FRMD4A: variants seen among roughly 807,000 people sequenced by gnomAD.
The protein encoded by FRMD4A is FERM domain-containing protein 4A.
In FRMD4A, 29 loss-of-function variants were observed where a neutral mutation model predicts 129.1. The observed-to-expected ratio is 0.22, with a 90% CI of 0.17 to 0.31. The LOEUF (loss-of-function observed/expected upper bound fraction) is 0.31. Among genes scored for constraint, FRMD4A ranks in the 10% least tolerant of loss-of-function variants. The pLI is 1.00. For synonymous variants in FRMD4A, 634 were observed against 571.6 expected (o/e 1.11, Z -1.56); for missense variants, 1,272 against 1,375.8 (o/e 0.92, Z 1.19).
intron 5 of FRMD4A, among the ~76,000 whole-genome samples, chr10:13,790,678 G>A (rs2092979432): frequency 7.1e-6 from 1 of 140,028 alleles, no homozygotes; most frequent in African/African-American, 2.6e-5. Context: ...GGAGCTAGGG[G>A]CGAGAGACCT....
chr10:14,072,001 G>C (rs1362136536), intron 2 of FRMD4A, among the ~76,000 whole-genome samples: 3 of 152,108 alleles, frequency 2.0e-5, no homozygotes, highest in Non-Finnish European at 4.4e-5. Flanking sequence ...CATTTAATAA[G>C]CCTTCAATAA....
At chr10:14,001,322 G>C (rs929751086) in intron 2 of FRMD4A, among the ~76,000 whole-genome samples, 2 of 152,178 alleles carry the variant, frequency 1.3e-5, no homozygotes, top group African/African-American at 2.4e-5. Flanking sequence ...CCCATGGCAT[G>C]ATGGTGAGGC....
At chr10:13,919,272 G>T (rs1482326985) in intron 2 of FRMD4A, among the ~76,000 whole-genome samples, 1 of 152,160 alleles carries the variant, frequency 6.6e-6, no homozygotes, top group Admixed American at 6.5e-5. Context: ...ACTGCAGTTG[G>T]GTATTGTTTG....
chr10:13,657,749 G>A (rs1309180792), intron 21 of FRMD4A, among the ~76,000 whole-genome samples: 1 of 151,640 alleles, frequency 6.6e-6, no homozygotes, highest in Non-Finnish European at 1.5e-5. Flanking sequence ...TGGGAAGTGG[G>A]ACTGAAGCTA....
chr10:13,733,341 C>T (rs1019858780), intron 12 of FRMD4A, among the ~76,000 whole-genome samples: 1 of 152,218 alleles, frequency 6.6e-6, no homozygotes, highest in African/African-American at 2.4e-5. Flanking sequence ...CACGGCCTTG[C>T]CTTTAAGTTC....
chr10:13,794,391 C>CAAAAAAAAAAAAA, intron 5 of FRMD4A, among the ~76,000 whole-genome samples: 1 of 102,962 alleles, frequency 9.7e-6, no homozygotes, highest in Non-Finnish European at 1.9e-5. Flanking sequence ...GAATCCGTCT[C>CAAAAAAAAAAAAA]AAAAAAAAAA....
chr10:13,699,313 G>A (rs2086580043), intron 14 of FRMD4A, among the ~76,000 whole-genome samples: 1 of 141,484 alleles, frequency 7.1e-6, no homozygotes, highest in South Asian at 2.3e-4. Flanking sequence ...CTGACCTCAA[G>A]TGATCTGCTC....
intron 15 of FRMD4A, among the ~76,000 whole-genome samples, chr10:13,681,677 T>C (rs906033856): frequency 1.3e-5 from 2 of 152,168 alleles, no homozygotes; most frequent in African/African-American, 4.8e-5. Flanking sequence ...TAGCTTCCTC[T>C]AAAGCCAAAG....
chr10:13,724,854 T>C (rs1214824043), intron 12 of FRMD4A, among the ~76,000 whole-genome samples: 1 of 152,152 alleles, frequency 6.6e-6, no homozygotes, highest in African/African-American at 2.4e-5. Flanking sequence ...GACCAGGCAT[T>C]GTGTGGGAAG....
intron 2 of FRMD4A, among the ~76,000 whole-genome samples, chr10:14,136,754 C>T (rs1839557916): frequency 6.6e-6 from 1 of 151,746 alleles, no homozygotes; most frequent in Non-Finnish European, 1.5e-5. Flanking sequence ...TGATTAATGT[C>T]TCTTGTCTTC....
intron 15 of FRMD4A, among the ~76,000 whole-genome samples, chr10:13,681,816 A>C (rs555870645): frequency 1.3e-5 from 2 of 152,316 alleles, no homozygotes; most frequent in African/African-American, 4.8e-5. Flanking sequence ...AATGGGAATG[A>C]AAACAGGACT....
chr10:14,212,425 T>C (rs138651427), intron 2 of FRMD4A, among the ~76,000 whole-genome samples: 168 of 152,308 alleles, frequency 1.1e-3, no homozygotes, highest in African/African-American at 4.0e-3. Flanking sequence ...ATGTTTGCTG[T>C]GAGCTCCTAG....
At chr10:14,244,641 A>C (rs1398008588) in intron 2 of FRMD4A, among the ~76,000 whole-genome samples, 1 of 152,198 alleles carries the variant, frequency 6.6e-6, no homozygotes, top group Non-Finnish European at 1.5e-5. Flanking sequence ...AACCAACCTA[A>C]ACACTGAACT....
intron 2 of FRMD4A, among the ~76,000 whole-genome samples, chr10:13,873,342 C>A (rs76893540): frequency 6.8e-6 from 1 of 147,726 alleles, no homozygotes; most frequent in African/African-American, 2.5e-5. Context: ...TGACTTTAAA[C>A]GTAAAATTTT....
At chr10:13,692,696 C>A (rs80157105) in intron 15 of FRMD4A, 1 of 152,170 alleles carries the variant, frequency 6.6e-6, no homozygotes, top group Non-Finnish European at 1.5e-5. Flanking sequence ...CACAAGCTAA[C>A]GAGACAATTT....
At chr10:14,030,855 C>T (rs1417225224) in intron 2 of FRMD4A, among the ~76,000 whole-genome samples, 1 of 152,176 alleles carries the variant, frequency 6.6e-6, no homozygotes, top group East Asian at 1.9e-4. Flanking sequence ...GACAGCCTCT[C>T]CAATGAGTAC....
intron 2 of FRMD4A, among the ~76,000 whole-genome samples, chr10:13,892,760 A>G (rs1466922613): frequency 1.3e-5 from 2 of 152,164 alleles, no homozygotes; most frequent in Non-Finnish European, 2.9e-5. Flanking sequence ...TTGATCTAGT[A>G]CTTGGTAGAT....
At chr10:14,215,635 G>T (rs946433588) in intron 2 of FRMD4A, among the ~76,000 whole-genome samples, 1 of 152,006 alleles carries the variant, frequency 6.6e-6, no homozygotes, top group Non-Finnish European at 1.5e-5. Context: ...CACCGAATAC[G>T]GTGGCAAGGT....
chr10:14,044,809 C>T (rs73593386), intron 2 of FRMD4A, among the ~76,000 whole-genome samples: 5,468 of 152,296 alleles, frequency 0.036, 159 homozygotes, highest in African/African-American at 0.088. Flanking sequence ...CTTCATAGAA[C>T]ATTGTTTTCA....
Sources: allele counts gnomAD v4.1 joint callset (sites outside exome capture counted in the v4.1 genomes callset), GRCh38; gene constraint gnomAD v4.1.1; transcripts MANE v1.5; gene names NCBI Gene and HGNC (gene_info 2026-07-23, HGNC 2026-07-21).